The following ACOT13 variants were observed in gnomAD, a reference collection of about 807,000 sequenced individuals.
ACOT13 encodes the protein acyl-CoA thioesterase 13.
In ACOT13, 10 loss-of-function variants were observed where a neutral mutation model predicts 11.8. The ratio of observed to expected loss-of-function variants is 0.85; its 90% CI spans 0.53 to 1.44. The LOEUF is 1.44. ACOT13 is among the 40% of genes most tolerant of loss of function. ACOT13 has a pLI of 0.00. For synonymous variants in ACOT13, 53 were observed against 61.0 expected (o/e 0.87, Z 0.61); for missense variants, 172 against 174.1 (o/e 0.99, Z 0.07).
At chr6:24,694,371 CT>C (rs1778763972) in intron 1 of ACOT13, among the ~76,000 whole-genome samples, 1 of 152,290 alleles carries the variant, frequency 6.6e-6, no homozygotes, top group South Asian at 2.1e-4. Flanking sequence ...TGAGGGTAGG[CT>C]GTTTTGCATA....
At chr6:24,697,781 C>A in intron 1 of ACOT13, 102 bp from the exon 2 acceptor site, 1 of 940,220 alleles carries the variant, frequency 1.1e-6, no homozygotes, top group African/African-American at 1.7e-5. Context: ...TCTGAGTCAA[C>A]TTTTTTCAGA....
Position 24,667,159 on chromosome 6 carries a change from G to C in ACOT13, c.-105G>C. On this transcript the variant is annotated 5_prime_UTR_variant, in exon 1 of 3. Coordinates refer to ENST00000230048, the MANE Select transcript of ACOT13 (RefSeq NM_018473.4). ...GCTCCTAGGGGCGGAGAAGGGTGCGGGCTCTTCGCCCTTTGTGTCCTCCTT... is the reference window on the plus strand; with the variant it reads ...GCTCCTAGGGGCGGAGAAGGGTGCGCGCTCTTCGCCCTTTGTGTCCTCCTT... 1 of 1,209,024 alleles carries C rather than the reference G, an allele frequency of 8.3e-7. No homozygotes were observed. The highest frequency in any genetic ancestry group is 1.2e-6 in the Non-Finnish European group (1 of 843,550). 74.9% of individuals were successfully genotyped at this position (1,209,024 alleles called of 1,614,324 possible).
At chr6:24,669,478 C>T (rs1778323233) in intron 1 of ACOT13, among the ~76,000 whole-genome samples, 1 of 152,132 alleles carries the variant, frequency 6.6e-6, no homozygotes, top group Admixed American at 6.5e-5. Flanking sequence ...TAAGTAGTTC[C>T]TAGCTTGAAT....
At position 24,674,618 on chromosome 6, in the gene ACOT13, G is replaced by A. The variant is rs1334890599; in HGVS notation, c.81+7274G>A. On this transcript the variant is annotated intron_variant, in intron 1 of 2. Transcript: ENST00000230048. ...TTTAGTAGAGACAGGGTTTCACCATGTTGGCCAAGCTAGTCTCAAACTCCT... is the reference window on the plus strand; with the variant it reads ...TTTAGTAGAGACAGGGTTTCACCATATTGGCCAAGCTAGTCTCAAACTCCT... Among the ~76,000 whole-genome samples, 4 of 151,698 alleles carry A rather than the reference G, an allele frequency of 2.6e-5. No homozygotes were observed. The East Asian group carries it at 7.8e-4, about 30-fold the overall frequency.
intron 1 of ACOT13, among the ~76,000 whole-genome samples, chr6:24,685,168 A>G (rs1212951724): frequency 6.6e-6 from 1 of 152,172 alleles, no homozygotes; most frequent in Admixed American, 6.5e-5. Flanking sequence ...TGAACTGTAC[A>G]GATTGATACC....
intron 2 of ACOT13, 86 bp downstream of exon 2, chr6:24,698,153 C>G: frequency 1.7e-6 from 2 of 1,185,464 alleles, no homozygotes; most frequent in Non-Finnish European, 2.3e-6. Flanking sequence ...TTATTAGTAA[C>G]GCATGAGATT....
At chr6:24,699,147 T>G (rs1372369109) in intron 2 of ACOT13, among the ~76,000 whole-genome samples, 2 of 151,538 alleles carry the variant, frequency 1.3e-5, no homozygotes, top group African/African-American at 4.9e-5. Flanking sequence ...TGTAACTAAC[T>G]GAGAGGTCAG....
Position 24,702,810 on chromosome 6 carries a change from G to C in ACOT13, c.*1195G>C, listed in dbSNP as rs923117793. On this transcript the variant is annotated 3_prime_UTR_variant, in exon 3 of 3. Coordinates refer to ENST00000230048, the MANE Select transcript of ACOT13 (RefSeq NM_018473.4). ...AAGCATGCTACTAGCCCCTTTTCTT[G>C]TACCGAGAATAAAACCATGCAGATC... The C allele has an allele frequency of 6.6e-6, 1 of 152,128 alleles. No homozygotes were observed. The highest frequency in any genetic ancestry group is 1.5e-5 in the Non-Finnish European group (1 of 68,030). 9.4% of individuals were successfully genotyped at this position (152,128 alleles called of 1,614,324 possible).
chr6:24,672,745 G>A (rs1477021789), intron 1 of ACOT13, among the ~76,000 whole-genome samples: 2 of 152,154 alleles, frequency 1.3e-5, no homozygotes, highest in African/African-American at 4.8e-5. Flanking sequence ...GATTACAGGG[G>A]CCCATAAGCT....
At chr6:24,698,669 C>CT (rs1333014659) in intron 2 of ACOT13, among the ~76,000 whole-genome samples, 2 of 147,702 alleles carry the variant, frequency 1.4e-5, no homozygotes, top group East Asian at 4.1e-4. Flanking sequence ...GACACGGAGT[C>CT]TCCCCATCAC....
intron 1 of ACOT13, among the ~76,000 whole-genome samples, chr6:24,671,850 T>C (rs1400589565): frequency 6.6e-6 from 1 of 152,196 alleles, no homozygotes; most frequent in Non-Finnish European, 1.5e-5. Context: ...TGATTATTAC[T>C]GATAATGTAC....
chr6:24,674,024 TACATA>T (rs1457539444), intron 1 of ACOT13, among the ~76,000 whole-genome samples: 1 of 152,200 alleles, frequency 6.6e-6, no homozygotes, highest in African/African-American at 2.4e-5. Flanking sequence ...CCTTGTTGTA[TACATA>T]ACCTTTAAAT....
At position 24,701,646 on chromosome 6, in the gene ACOT13, A is replaced by G. The variant is rs1778894850; in HGVS notation, c.*31A>G. On this transcript the variant is annotated 3_prime_UTR_variant, in exon 3 of 3. Transcript: ENST00000230048. The stretch of plus-strand genomic sequence containing the variant: ...CAGCAGAATGACCTAAAGAAACCCA[A>G]CAATGAATATCAAGTATAGATTTGA... 2 of 1,568,260 alleles carry G rather than the reference A, an allele frequency of 1.3e-6. No individual in the cohort carries two copies.
At chr6:24,675,786 T>C (rs1399405151) in intron 1 of ACOT13, among the ~76,000 whole-genome samples, 1 of 152,242 alleles carries the variant, frequency 6.6e-6, no homozygotes, top group African/African-American at 2.4e-5. Flanking sequence ...TTTGGTGTTT[T>C]AGACATGAAG....
chr6:24,700,173 A>G (rs1002424532), intron 2 of ACOT13, among the ~76,000 whole-genome samples: 1 of 152,232 alleles, frequency 6.6e-6, no homozygotes, highest in Non-Finnish European at 1.5e-5. Flanking sequence ...GGGAAATTTT[A>G]GAGTATTACT....
At chr6:24,686,063 C>T (rs4712839) in intron 1 of ACOT13, among the ~76,000 whole-genome samples, 1 of 151,740 alleles carries the variant, frequency 6.6e-6, no homozygotes, top group Non-Finnish European at 1.5e-5. Flanking sequence ...AAAGGTTAAC[C>T]GTCAGACTAA....
At chr6:24,676,535 G>T (rs1289704034) in intron 1 of ACOT13, among the ~76,000 whole-genome samples, 1 of 152,132 alleles carries the variant, frequency 6.6e-6, no homozygotes, top group Non-Finnish European at 1.5e-5. Flanking sequence ...TCTGTTATTG[G>T]TGTATAGGAA....
At chr6:24,684,893 TCTC>T (rs1778605445) in intron 1 of ACOT13, among the ~76,000 whole-genome samples, 1 of 152,028 alleles carries the variant, frequency 6.6e-6, no homozygotes, top group Admixed American at 6.6e-5. Context: ...GTAGATGTGG[TCTC>T]CTCTTCTCTG....
intron 1 of ACOT13, among the ~76,000 whole-genome samples, chr6:24,686,707 C>A (rs1032442888): frequency 7.1e-6 from 1 of 140,356 alleles, no homozygotes; most frequent in South Asian, 2.2e-4. Flanking sequence ...CTTTTCTTTT[C>A]TTTTCTTTTT....
Sources: allele counts gnomAD v4.1 joint callset (sites outside exome capture counted in the v4.1 genomes callset), GRCh38; gene constraint gnomAD v4.1.1; transcripts MANE v1.5; gene names NCBI Gene and HGNC (gene_info 2026-07-23, HGNC 2026-07-21).